ATRX: variants seen among roughly 807,000 people sequenced by gnomAD.
ATRX encodes the protein chromatin remodeler ATRX.
Under a neutral mutation model 172.6 loss-of-function variants are expected in ATRX, and 12 were observed. The observed-to-expected ratio is 0.07, with a 90% confidence interval of 0.04 to 0.11. The LOEUF (loss-of-function observed/expected upper bound fraction) is 0.11, where lower values mean the gene tolerates loss of function less well. ATRX is among the 10% of genes least tolerant of loss of function. The pLI, the probability that ATRX is intolerant of heterozygous loss-of-function variation, is 1.00. For synonymous variants in ATRX, 674 were observed against 594.7 expected, an observed-to-expected ratio of 1.13 and a Z score of -1.94; for missense variants, 1,368 against 1,767.4, an observed-to-expected ratio of 0.77 and a Z score of 4.05.
intron 14 of ATRX, 125 bp downstream of exon 14, chrX:77,653,973 A>G (rs2069411999): frequency 3.7e-6 from 2 of 539,919 alleles, no homozygotes; most frequent in Admixed American, 6.1e-5. Context: ...CAATCCTTCC[A>G]CAAGTGTAAA....
intron 1 of ATRX, among the ~76,000 whole-genome samples, chrX:77,754,821 G>T (rs1457266321): frequency 9.0e-6 from 1 of 111,151 alleles, no homozygotes; most frequent in Non-Finnish European, 1.9e-5. Context: ...CTTGGGGTTG[G>T]TCTTCTCAAG....
intron 28 of ATRX, among the ~76,000 whole-genome samples, chrX:77,566,708 G>A (rs1450102812): frequency 4.5e-5 from 5 of 111,288 alleles, no homozygotes; most frequent in Non-Finnish European, 9.4e-5. Flanking sequence ...AGCTGAAATT[G>A]CACCACTGTA....
chrX:77,784,064 T>C (rs1457961654), intron 1 of ATRX, among the ~76,000 whole-genome samples: 1 of 112,390 alleles, frequency 8.9e-6, no homozygotes, highest in Non-Finnish European at 1.9e-5. Context: ...TAAATGGTCA[T>C]AATCAGGTTA....
chrX:77,769,283 T>G (rs1272468105), intron 1 of ATRX, among the ~76,000 whole-genome samples: 1 of 107,208 alleles, frequency 9.3e-6, no homozygotes, highest in Non-Finnish European at 1.9e-5. Flanking sequence ...TTTTGTTTGT[T>G]TTTTTTTTTT....
Position 77,684,347 on chromosome X carries a change from T to C in ATRX, c.909A>G (p.Glu303=), listed in dbSNP as rs1557142630. The C allele has an allele frequency of 5.8e-6, 7 of 1,209,868 alleles. No individual in the cohort carries two copies. The Admixed American group carries it at 1.1e-4, about 19-fold the overall frequency. ...QNKKKIKVDS[E]KSNKVYEHTS... is the part of the protein sequence containing the mutation. Reference sequence around the variant, plus strand: ...TATGTTCATATACTTTATTACTCTTTTCACTGTCAACTTTTATCTTCTTCT... The same window carrying C: ...TATGTTCATATACTTTATTACTCTTCTCACTGTCAACTTTTATCTTCTTCT... The change falls in exon 9 of 35, where the codon GAA becomes GAG. Residue 303 remains glutamate, a synonymous_variant. Transcript: ENST00000373344.
intron 27 of ATRX, among the ~76,000 whole-genome samples, chrX:77,579,439 A>G (rs963833496): frequency 1.1e-5 from 1 of 91,238 alleles, no homozygotes; most frequent in Non-Finnish European, 2.1e-5. Flanking sequence ...AGCTCCAGGC[A>G]ACTCAGCACA....
Position 77,642,466 on chromosome X carries a change from G to A in ATRX, c.4558-6410C>T, listed in dbSNP as rs782694337. On this transcript the variant is annotated intron_variant, in intron 15 of 34. Coordinates refer to ENST00000373344, the MANE Select transcript of ATRX (RefSeq NM_000489.6). ...ACATCTTTAAAGAGATTTTTTTAAA[G>A]TATCAATTTAGAATTCTATACCCAG... Among the ~76,000 whole-genome samples the A allele has an allele frequency of 1.7e-3, 192 of 110,578 alleles. 2 individuals are homozygous for A. The highest frequency in any genetic ancestry group is 5.7e-3 in the African/African-American group (173 of 30,432).
chrX:77,708,773 T>C (rs781869066), intron 2 of ATRX, among the ~76,000 whole-genome samples: 2 of 112,465 alleles, frequency 1.8e-5, no homozygotes, highest in Non-Finnish European at 3.8e-5. Context: ...CTTTTTGAGG[T>C]GATAAAAATA....
chrX:77,677,758 G>A (rs2148550907), intron 9 of ATRX, among the ~76,000 whole-genome samples: 1 of 109,895 alleles, frequency 9.1e-6, no homozygotes, highest in African/African-American at 3.3e-5. Flanking sequence ...TGGATAGACA[G>A]AAGGATATAT....
chrX:77,610,962 AT>A (rs1557093666), intron 22 of ATRX, among the ~76,000 whole-genome samples: 1 of 108,454 alleles, frequency 9.2e-6, no homozygotes, highest in East Asian at 2.8e-4. Flanking sequence ...ATAAATATAT[AT>A]ATATAGTATA....
intron 27 of ATRX, among the ~76,000 whole-genome samples, chrX:77,580,923 T>G (rs1320591714): frequency 8.9e-6 from 1 of 111,812 alleles, no homozygotes; most frequent in Non-Finnish European, 1.9e-5. Flanking sequence ...AAAGTTAAGG[T>G]GTAGAATTTT....
intron 1 of ATRX, among the ~76,000 whole-genome samples, chrX:77,735,371 C>T (rs782127667): frequency 2.7e-5 from 3 of 111,461 alleles, no homozygotes; most frequent in Admixed American, 1.9e-4. Context: ...CCAAGGCAGG[C>T]GGATCACGAG....
At chrX:77,643,577 C>T (rs1385731436) in intron 15 of ATRX, among the ~76,000 whole-genome samples, 2 of 110,821 alleles carry the variant, frequency 1.8e-5, no homozygotes, top group African/African-American at 3.3e-5. Context: ...TGCACCACCA[C>T]GCCCAACTAG....
chrX:77,745,354 C>T (rs782319210), intron 1 of ATRX, among the ~76,000 whole-genome samples: 4 of 110,274 alleles, frequency 3.6e-5, no homozygotes, highest in African/African-American at 6.6e-5. Context: ...CATCAACAGA[C>T]GGACGAATAA....
At chrX:77,544,445 T>C (rs1557052338) in intron 30 of ATRX, among the ~76,000 whole-genome samples, 2 of 110,580 alleles carry the variant, frequency 1.8e-5, no homozygotes, top group Non-Finnish European at 3.8e-5. Flanking sequence ...ACTTTAAGTT[T>C]TAGCGTACAT....
At chrX:77,757,544 T>C (rs934624935) in intron 1 of ATRX, among the ~76,000 whole-genome samples, 13 of 112,088 alleles carry the variant, frequency 1.2e-4, no homozygotes, top group African/African-American at 4.2e-4. Context: ...AAATAATCTC[T>C]AAATCAAAAA....
rs782002824 is a variant in ATRX, at chrX:77,676,248, C to A, written c.3787G>T (p.Asp1263Tyr). Reference sequence around the variant, plus strand: ...TACCTATTCTCAGGATCATTGTCGTCATCATCATCATCCACTGTGACAGGC... The same window carrying A: ...TACCTATTCTCAGGATCATTGTCGTAATCATCATCATCCACTGTGACAGGC... ...SVPVTVDDDD[D>Y]DNDPENRIAK... The change falls in exon 10 of 35, where the codon GAC becomes TAC. Residue 1263 changes from aspartate (D) to tyrosine (Y), a missense_variant. By Grantham distance (160) the Asp-to-Tyr change is radical. This residue lies in a region of ATRX where 9 missense variants were observed against 25.2 expected (regional missense o/e 0.36). Coordinates refer to ENST00000373344, the MANE Select transcript of ATRX (RefSeq NM_000489.6). The A allele has an allele frequency of 8.4e-7, 1 of 1,197,163 alleles. No individual in the cohort carries two copies. Among genetic ancestry groups the A allele is most frequent in the South Asian group, 1.8e-5 (1 of 56,529 alleles).
intron 2 of ATRX, among the ~76,000 whole-genome samples, chrX:77,716,339 T>TAC (rs2073422701): frequency 1.1e-5 from 1 of 89,641 alleles, no homozygotes; most frequent in Non-Finnish European, 2.1e-5. Flanking sequence ...TATATATATA[T>TAC]ATATATATAT....
chrX:77,645,148 T>C (rs1188552510), intron 15 of ATRX, among the ~76,000 whole-genome samples: 2 of 111,607 alleles, frequency 1.8e-5, no homozygotes, highest in Non-Finnish European at 3.8e-5. Flanking sequence ...GATTCTTTTT[T>C]CTTTTTTAAA....
Sources: allele counts gnomAD v4.1 joint callset (sites outside exome capture counted in the v4.1 genomes callset), GRCh38; gene constraint gnomAD v4.1.1; regional missense constraint gnomAD v4.1.1; transcripts MANE v1.5; gene names NCBI Gene and HGNC (gene_info 2026-07-23, HGNC 2026-07-21).